Variants in SEZ6L observed in about 807,000 individuals in gnomAD.
SEZ6L encodes seizure related 6 homolog like.
SEZ6L carries 37 observed loss-of-function variants against 106.2 expected under a neutral mutation model. The observed-to-expected ratio is 0.35, with a 90% confidence interval of 0.27 to 0.46. The LOEUF is 0.46. Among genes scored for constraint, SEZ6L ranks in the 20% least tolerant of loss-of-function variants. The pLI, the probability that SEZ6L is intolerant of heterozygous loss-of-function variation, is 1.00. For synonymous variants in SEZ6L, 541 were observed against 570.4 expected, an observed-to-expected ratio of 0.95 and a Z score of 0.73; for missense variants, 1,172 against 1,332.8, an observed-to-expected ratio of 0.88 and a Z score of 1.88.
Position 26,292,802 on chromosome 22 carries a change from C to T in SEZ6L, c.491C>T (p.Pro164Leu). The change falls in exon 2 of 17, where the codon CCT becomes CTT. Residue 164 changes from proline (P) to leucine (L), a missense_variant. Around this residue, in one of 4 missense-constraint regions of SEZ6L, gnomAD observed 494 missense variants for 445.8 expected, o/e 1.11. Transcript: ENST00000248933. ...LDLLSSSTEK[P>L]GPPGDPDPIV... ...CTCCTCTCCTCCTCCACGGAGAAGCCTGGCCCACCGGGGGACCCGGACCCC... is the reference window on the plus strand; with the variant it reads ...CTCCTCTCCTCCTCCACGGAGAAGCTTGGCCCACCGGGGGACCCGGACCCC... The T allele has an allele frequency of 6.2e-7, 1 of 1,614,066 alleles. No homozygotes were observed. The highest frequency in any genetic ancestry group is 8.5e-7 in the Non-Finnish European group (1 of 1,179,932).
intron 1 of SEZ6L, among the ~76,000 whole-genome samples, chr22:26,249,180 CA>C (rs1470885523): frequency 1.3e-5 from 2 of 152,154 alleles, no homozygotes; most frequent in Non-Finnish European, 2.9e-5. Flanking sequence ...TGAGAACATT[CA>C]AAATTCACTC....
Position 26,351,115 on chromosome 22 carries a change from T to A in SEZ6L, c.2471T>A (p.Leu824Gln). The A allele has an allele frequency of 6.2e-7, 1 of 1,614,242 alleles. No homozygotes were observed. Among genetic ancestry groups the A allele is most frequent in the Non-Finnish European group, 8.5e-7 (1 of 1,180,038 alleles). ...ACCCGCTTAATTTCGGATCCTGTGCTGCTGGTGGGGACCACCATCCAATAC... is the reference window on the plus strand; with the variant it reads ...ACCCGCTTAATTTCGGATCCTGTGCAGCTGGTGGGGACCACCATCCAATAC... ...HSTRLISDPV[L>Q]LVGTTIQYTC... Residue 824 changes from leucine to glutamine, a missense_variant, in exon 12 of 17, where the codon CTG (leucine) becomes CAG (glutamine). Around this residue, in one of 4 missense-constraint regions of SEZ6L, gnomAD observed 534 missense variants for 691.0 expected, o/e 0.77. Transcript: ENST00000248933.
intron 12 of SEZ6L, among the ~76,000 whole-genome samples, chr22:26,352,278 C>T (rs2083307021): frequency 6.6e-6 from 1 of 151,988 alleles, no homozygotes; most frequent in Non-Finnish European, 1.5e-5. Context: ...CAGAGCCTTA[C>T]ACAGTATTTT....
rs2083055946 is a variant in SEZ6L, at chr22:26,347,703, C to T, written c.2213-16C>T. On this transcript the variant is annotated splice_polypyrimidine_tract_variant and intron_variant, in intron 10 of 16. Transcript: ENST00000248933. ...GACTGCTTCCCCCATCTAAGACTGA[C>T]GTTTCTCTTTTAAAGAGGTATCAAG... 3 of 1,589,950 alleles carry T rather than the reference C, an allele frequency of 1.9e-6. No homozygotes were observed. Among genetic ancestry groups the T allele is most frequent in the Admixed American group, 1.8e-5 (1 of 54,436 alleles).
intron 1 of SEZ6L, among the ~76,000 whole-genome samples, chr22:26,185,905 G>A (rs1322657795): frequency 6.6e-6 from 1 of 152,066 alleles, no homozygotes; most frequent in Non-Finnish European, 1.5e-5. Context: ...AGTACGAATA[G>A]GGGTGGGAAT....
intron 9 of SEZ6L, among the ~76,000 whole-genome samples, chr22:26,324,103 A>ACACACAAAC (rs1569463232): frequency 2.4e-5 from 2 of 83,304 alleles, no homozygotes; most frequent in East Asian, 3.8e-4. Context: ...CACACACACA[A>ACACACAAAC]ACACACACAC....
In SEZ6L at chr22:26,208,271, G is replaced by T. The variant is rs73417537; in HGVS notation, c.94+38508G>T. Among the ~76,000 whole-genome samples the T allele has an allele frequency of 9.4e-3, 1,426 of 152,204 alleles. 28 individuals carry two copies. The highest frequency in any genetic ancestry group is 0.031 in the African/African-American group (1,286 of 41,534). On this transcript the variant is annotated intron_variant, in intron 1 of 16. Coordinates refer to ENST00000248933, the MANE Select transcript of SEZ6L (RefSeq NM_021115.5). ...AAAACATTAGTTGGTTATTTACATT[G>T]ACTCACATACTGACAACTTCCAATG... is the stretch of plus-strand genomic sequence containing the variant.
At chr22:26,214,967 G>A (rs908413508) in intron 1 of SEZ6L, among the ~76,000 whole-genome samples, 19 of 152,210 alleles carry the variant, frequency 1.2e-4, no homozygotes, top group Admixed American at 6.5e-4. Context: ...GATTTAGTAC[G>A]TATTCATTGG....
At chr22:26,253,454 C>T (rs2079682898) in intron 1 of SEZ6L, among the ~76,000 whole-genome samples, 1 of 152,152 alleles carries the variant, frequency 6.6e-6, no homozygotes, top group Admixed American at 6.5e-5. Flanking sequence ...CTTGCAATGT[C>T]CTTTCTCAAC....
chr22:26,269,892 C>G (rs1420686577), intron 1 of SEZ6L, among the ~76,000 whole-genome samples: 4 of 152,032 alleles, frequency 2.6e-5, no homozygotes, highest in Non-Finnish European at 5.9e-5. Flanking sequence ...TCTCGTGTTA[C>G]AAGTCAAGTG....
At chr22:26,266,567 C>T (rs1023699981) in intron 1 of SEZ6L, among the ~76,000 whole-genome samples, 11 of 143,730 alleles carry the variant, frequency 7.7e-5, no homozygotes, top group South Asian at 6.8e-4. Context: ...AGCGAGACTC[C>T]GTCTCAAAAA....
chr22:26,371,655 A>G (rs1308478580), intron 13 of SEZ6L, among the ~76,000 whole-genome samples: 2 of 127,588 alleles, frequency 1.6e-5, no homozygotes, highest in African/African-American at 2.9e-5. Context: ...AATATACACA[A>G]ATGACAAAAA....
At chr22:26,351,429 A>G in intron 12 of SEZ6L, 186 bp downstream of exon 12, 1 of 518,680 alleles carries the variant, frequency 1.9e-6, no homozygotes, top group Non-Finnish European at 3.4e-6. Flanking sequence ...TTTACAGTAA[A>G]TTTATCACGC....
At position 26,260,670 on chromosome 22, in the gene SEZ6L, C is replaced by G. The variant is rs1254665021; in HGVS notation, c.95-31736C>G. ...AGGTGGTTCCATATTTTTGCAACAG[C>G]GAATTGTGCTGCTATAATCATGTGT... On this transcript the variant is annotated intron_variant, in intron 1 of 16. Coordinates refer to ENST00000248933, the MANE Select transcript of SEZ6L (RefSeq NM_021115.5). Among the ~76,000 whole-genome samples the G allele has an allele frequency of 2.0e-5, 3 of 152,028 alleles. No individual in the cohort carries two copies. The South Asian group carries it at 6.2e-4, about 32-fold the overall frequency.
At chr22:26,317,292 A>G (rs572137905) in intron 9 of SEZ6L, among the ~76,000 whole-genome samples, 32 of 152,186 alleles carry the variant, frequency 2.1e-4, no homozygotes, top group Middle Eastern at 3.4e-3. Flanking sequence ...TTCCCCCAGA[A>G]GTTACCAGGA....
At chr22:26,319,526 G>A (rs1309292505) in intron 9 of SEZ6L, among the ~76,000 whole-genome samples, 1 of 152,138 alleles carries the variant, frequency 6.6e-6, no homozygotes, top group Non-Finnish European at 1.5e-5. Context: ...GACCATATTA[G>A]CCTTCTTGCC....
At chr22:26,194,432 A>G (rs1185222224) in intron 1 of SEZ6L, among the ~76,000 whole-genome samples, 2 of 152,220 alleles carry the variant, frequency 1.3e-5, no homozygotes, top group East Asian at 1.9e-4. Context: ...AAATGTGTGC[A>G]TGGAGTGCTA....
chr22:26,246,656 CACA>C (rs2079359003), intron 1 of SEZ6L, among the ~76,000 whole-genome samples: 2 of 152,128 alleles, frequency 1.3e-5, no homozygotes, highest in African/African-American at 4.8e-5. Context: ...CGATTAATCC[CACA>C]ACATTTCTCC....
Position 26,311,871 on chromosome 22 carries a change from C to G in SEZ6L, c.1785C>G (p.Asp595Glu). 1 of 1,614,182 alleles carries G rather than the reference C, an allele frequency of 6.2e-7. No individual in the cohort carries two copies. Among genetic ancestry groups the G allele is most frequent in the Non-Finnish European group, 8.5e-7 (1 of 1,180,026 alleles). ...GGACTATAGTGGAGTTCACCTGCGA[C>G]CCCGGCCACTCCCTGGAGCAGGGCC... Reference protein sequence around the residue: ...NIGTIVEFTCDPGHSLEQGPA... With the variant: ...NIGTIVEFTCEPGHSLEQGPA... Residue 595 changes from aspartate (D) to glutamate (E), a missense_variant, in exon 8 of 17, where the codon GAC becomes GAG. This residue lies in a region of SEZ6L where 534 missense variants were observed against 691.0 expected (regional missense o/e 0.77). Coordinates refer to ENST00000248933, the MANE Select transcript of SEZ6L (RefSeq NM_021115.5).
Sources: allele counts gnomAD v4.1 joint callset (sites outside exome capture counted in the v4.1 genomes callset), GRCh38; gene constraint gnomAD v4.1.1; regional missense constraint gnomAD v4.1.1; transcripts MANE v1.5; gene names NCBI Gene and HGNC (gene_info 2026-07-23, HGNC 2026-07-21).